Variants in BFSP2 observed in about 807,000 individuals in gnomAD.
BFSP2 encodes the protein beaded filament structural protein 2.
BFSP2 carries 38 observed loss-of-function variants against 44.9 expected under a neutral mutation model. That is an observed-to-expected ratio of 0.85 (90% CI 0.65 to 1.11). The LOEUF (loss-of-function observed/expected upper bound fraction) is 1.11. Ranked by LOEUF, BFSP2 falls within the 50% of genes least tolerant of loss-of-function variation. The pLI is 0.00. For missense variants in BFSP2, 525 were observed against 533.0 expected (o/e 0.99, Z 0.15); for synonymous variants, 197 against 209.9 (o/e 0.94, Z 0.53).
chr3:133,402,619 A>G (rs556231340), intron 1 of BFSP2, among the ~76,000 whole-genome samples: 4 of 151,840 alleles, frequency 2.6e-5, no homozygotes, highest in Non-Finnish European at 4.4e-5. Flanking sequence ...AGTAAGACCA[A>G]TTGATAAAAT....
At chr3:133,402,827 G>T (rs1374528356) in intron 1 of BFSP2, among the ~76,000 whole-genome samples, 1 of 151,858 alleles carries the variant, frequency 6.6e-6, no homozygotes, top group African/African-American at 2.4e-5. Context: ...ATTTTTAATG[G>T]AGATGGGGTT....
At chr3:133,436,987 T>C (rs986071754) in intron 1 of BFSP2, among the ~76,000 whole-genome samples, 4 of 152,380 alleles carry the variant, frequency 2.6e-5, no homozygotes, top group African/African-American at 9.6e-5. Context: ...TGCCACATTT[T>C]CTTAATCCAG....
At chr3:133,434,851 T>C (rs2073765209) in intron 1 of BFSP2, among the ~76,000 whole-genome samples, 1 of 151,786 alleles carries the variant, frequency 6.6e-6, no homozygotes, top group South Asian at 2.1e-4. Context: ...CCAAATCTTA[T>C]AAAACGGCCC....
intron 4 of BFSP2, among the ~76,000 whole-genome samples, chr3:133,454,630 A>G (rs1394891229): frequency 1.3e-5 from 2 of 152,208 alleles, no homozygotes; most frequent in Non-Finnish European, 2.9e-5. Flanking sequence ...AGTTTGCTAG[A>G]ACAGTGCCCA....
intron 1 of BFSP2, among the ~76,000 whole-genome samples, chr3:133,424,000 G>T (rs534324912): frequency 1.3e-5 from 2 of 150,670 alleles, no homozygotes; most frequent in African/African-American, 4.9e-5. Flanking sequence ...CTGAGACTTT[G>T]CATATATCGA....
At chr3:133,432,010 C>T (rs570221145) in intron 1 of BFSP2, among the ~76,000 whole-genome samples, 10 of 151,758 alleles carry the variant, frequency 6.6e-5, no homozygotes, top group African/African-American at 1.7e-4. Context: ...CCTTAACCCA[C>T]AAGTATGGAA....
At chr3:133,454,415 A>G (rs1351878537) in intron 4 of BFSP2, among the ~76,000 whole-genome samples, 1 of 152,220 alleles carries the variant, frequency 6.6e-6, no homozygotes, top group Non-Finnish European at 1.5e-5. Flanking sequence ...CACCAAGCAG[A>G]TCTCCAAACA....
chr3:133,402,643 CTT>C (rs1316696114), intron 1 of BFSP2, among the ~76,000 whole-genome samples: 30 of 140,394 alleles, frequency 2.1e-4, no homozygotes, highest in Non-Finnish European at 1.7e-4. Context: ...GTTATTATTT[CTT>C]TTTTTTTTTT....
chr3:133,425,220 T>A (rs981609241), intron 1 of BFSP2, among the ~76,000 whole-genome samples: 1 of 152,192 alleles, frequency 6.6e-6, no homozygotes, highest in African/African-American at 2.4e-5. Flanking sequence ...CCAAGCACTA[T>A]GGGAGTTCAA....
chr3:133,424,170 G>C (rs971698612), intron 1 of BFSP2, among the ~76,000 whole-genome samples: 14 of 148,728 alleles, frequency 9.4e-5, no homozygotes, highest in African/African-American at 3.5e-4. Context: ...TCCTGCCTCA[G>C]AAGTAGCTGG....
chr3:133,444,882 C>A (rs2073882752), intron 1 of BFSP2, among the ~76,000 whole-genome samples: 1 of 152,170 alleles, frequency 6.6e-6, no homozygotes, highest in Non-Finnish European at 1.5e-5. Context: ...ATCCTCTCTT[C>A]CCACAGTAGT....
At chr3:133,405,474 A>T (rs189057593) in intron 1 of BFSP2, among the ~76,000 whole-genome samples, 53 of 152,248 alleles carry the variant, frequency 3.5e-4, no homozygotes, top group African/African-American at 1.2e-3. Flanking sequence ...GGCAATCCAG[A>T]TCTGGGCCAG....
At chr3:133,446,059 G>C (rs2073893569) in intron 1 of BFSP2, among the ~76,000 whole-genome samples, 1 of 152,154 alleles carries the variant, frequency 6.6e-6, no homozygotes. Flanking sequence ...AGACACCCTA[G>C]TCTGCCTGCT....
At chr3:133,405,724 G>A (rs2073398380) in intron 1 of BFSP2, among the ~76,000 whole-genome samples, 1 of 152,242 alleles carries the variant, frequency 6.6e-6, no homozygotes, top group Admixed American at 6.5e-5. Context: ...TGTTTGGTCA[G>A]AGCAGGCCAG....
chr3:133,474,306 A>G (rs2074192869), intron 6 of BFSP2, among the ~76,000 whole-genome samples: 1 of 152,348 alleles, frequency 6.6e-6, no homozygotes, highest in Admixed American at 6.5e-5. Context: ...GAGAGAACAC[A>G]AAGACCCAGA....
At position 133,400,615 on chromosome 3, in the gene BFSP2, A is replaced by G. The variant is rs748742742; in HGVS notation, c.489+43A>G. On this transcript the variant is annotated intron_variant, in intron 1 of 6. Coordinates refer to ENST00000302334, the MANE Select transcript of BFSP2 (RefSeq NM_003571.4). This position sits in a 1 kb window ranked among gnomAD's most constrained non-coding sequence, Gnocchi z 4.0. ...GCCAAGGGCTTTGCAGAGGGCTGGG[A>G]GGGGCTGCTGAAGGCAGCGGGTAGG... The G allele has an allele frequency of 1.6e-4, 254 of 1,560,832 alleles. No homozygotes were observed. Among genetic ancestry groups the G allele is most frequent in the Middle Eastern group, 3.8e-4 (2 of 5,302 alleles).
chr3:133,403,524 CCAAA>C (rs1260577786), intron 1 of BFSP2, among the ~76,000 whole-genome samples: 3 of 152,142 alleles, frequency 2.0e-5, no homozygotes, highest in Non-Finnish European at 4.4e-5. Flanking sequence ...AGCCTGGGCC[CCAAA>C]CAGAGAATCC....
intron 1 of BFSP2, among the ~76,000 whole-genome samples, chr3:133,417,937 C>T (rs542864057): frequency 6.8e-4 from 97 of 143,260 alleles, no homozygotes; most frequent in Non-Finnish European, 1.2e-3. Flanking sequence ...TCTACTCACC[C>T]GTCCTCTCCC....
intron 4 of BFSP2, among the ~76,000 whole-genome samples, chr3:133,462,067 G>A (rs2074069028): frequency 2.8e-5 from 1 of 35,562 alleles, no homozygotes; most frequent in African/African-American, 7.3e-5. Context: ...GGACCAGGCA[G>A]GCATGGACCT....
Sources: allele counts gnomAD v4.1 joint callset (sites outside exome capture counted in the v4.1 genomes callset), GRCh38; gene constraint gnomAD v4.1.1; non-coding constraint Gnocchi (gnomAD v3.1); transcripts MANE v1.5; gene names NCBI Gene and HGNC (gene_info 2026-07-23, HGNC 2026-07-21).